The following SLC24A3 variants were observed in gnomAD, a reference collection of about 807,000 sequenced individuals.
SLC24A3 encodes sodium/potassium/calcium exchanger 3.
Under a neutral mutation model 75.8 loss-of-function variants are expected in SLC24A3, and 28 were observed. The observed-to-expected ratio is 0.37, with a 90% CI of 0.27 to 0.51. The LOEUF is 0.51. SLC24A3 is among the 20% of genes least tolerant of loss of function. SLC24A3 has a pLI of 0.94. For missense variants in SLC24A3, 663 were observed against 847.8 expected (o/e 0.78, Z 2.71); for synonymous variants, 372 against 334.1 (o/e 1.11, Z -1.24).
chr20:19,709,924 T>C (rs1344798046), intron 15 of SLC24A3, among the ~76,000 whole-genome samples: 1 of 152,180 alleles, frequency 6.6e-6, no homozygotes, highest in Non-Finnish European at 1.5e-5. Flanking sequence ...ACTAAATGAC[T>C]AAAGGACTTA....
intron 2 of SLC24A3, among the ~76,000 whole-genome samples, chr20:19,431,944 G>T (rs189762141): frequency 2.0e-5 from 3 of 151,836 alleles, no homozygotes; most frequent in East Asian, 1.9e-4. Context: ...ATTGCAAAGG[G>T]TTATAGAATT....
chr20:19,560,692 C>T (rs899789481), intron 3 of SLC24A3, among the ~76,000 whole-genome samples: 22 of 152,156 alleles, frequency 1.4e-4, no homozygotes, highest in African/African-American at 2.7e-4. Context: ...TAGGGACCTT[C>T]GGTGTCCATT....
chr20:19,212,875 T>C lies in SLC24A3; in HGVS notation c.33T>C (p.Arg11=). 8.0e-7 allele frequency: 1 copy of C among 1,254,578 alleles called. No individual in the cohort carries two copies. The highest frequency in any genetic ancestry group is 1.0e-6 in the Non-Finnish European group (1 of 996,156). 77.7% of individuals were successfully genotyped at this position (1,254,578 alleles called of 1,614,324 possible). Residue 11 remains arginine, a synonymous_variant, in exon 1 of 17, where the codon CGT becomes CGC. Coordinates refer to ENST00000328041, the MANE Select transcript of SLC24A3 (RefSeq NM_020689.4). ...CGTCCGGCGACGAGGACCGCGCGCG[T>C]CGCCGCCGCCGCCGCCGCCGCCGGA... MRPSGDEDRA[R]RRRRRRRRRD...
intron 2 of SLC24A3, among the ~76,000 whole-genome samples, chr20:19,450,977 G>C (rs1001416372): frequency 1.3e-5 from 2 of 152,110 alleles, no homozygotes; most frequent in Admixed American, 1.3e-4. Context: ...TCCAGCCTGG[G>C]TGACAGAGCG....
rs145320655 is a variant in SLC24A3, at chr20:19,371,786, A to C, written c.271+90699A>C. On this transcript the variant is annotated intron_variant, in intron 2 of 16. Transcript: ENST00000328041. The stretch of plus-strand genomic sequence containing the variant: ...AGTCCTTAGACTCCCTGTATTCTGC[A>C]GCGTACAGGTCTATTCAAACCTACC... Among the ~76,000 whole-genome samples the C allele has an allele frequency of 2.5e-3, 377 of 152,290 alleles. 1 individual carries two copies. The highest frequency in any genetic ancestry group is 4.1e-3 in the Non-Finnish European group (280 of 68,028).
At chr20:19,266,612 T>G (rs1415768133) in intron 1 of SLC24A3, among the ~76,000 whole-genome samples, 1 of 152,242 alleles carries the variant, frequency 6.6e-6, no homozygotes. Flanking sequence ...GCAGTGATTT[T>G]GAGAAGCCAA....
At chr20:19,288,660 A>T (rs1410726232) in intron 2 of SLC24A3, among the ~76,000 whole-genome samples, 4 of 152,214 alleles carry the variant, frequency 2.6e-5, no homozygotes, top group Non-Finnish European at 1.5e-5. Flanking sequence ...CCCAGTTGAT[A>T]GATTAGTTAG....
intron 3 of SLC24A3, among the ~76,000 whole-genome samples, chr20:19,565,371 G>A (rs1210362034): frequency 6.6e-6 from 1 of 151,354 alleles, no homozygotes; most frequent in African/African-American, 2.4e-5. Context: ...AGGAGGCACT[G>A]AGAGTGAGAA....
chr20:19,569,787 G>A (rs1453711141), intron 3 of SLC24A3, among the ~76,000 whole-genome samples: 1 of 152,154 alleles, frequency 6.6e-6, no homozygotes, highest in Non-Finnish European at 1.5e-5. Context: ...GCAACTCCGT[G>A]TCCTCTTGCA....
At chr20:19,334,137 G>A (rs550203708) in intron 2 of SLC24A3, among the ~76,000 whole-genome samples, 9 of 152,180 alleles carry the variant, frequency 5.9e-5, no homozygotes, top group Non-Finnish European at 1.3e-4. Context: ...GTAAATGGGT[G>A]GTCGTTGTCT....
chr20:19,574,220 T>C (rs2031096427), intron 3 of SLC24A3, among the ~76,000 whole-genome samples: 1 of 152,206 alleles, frequency 6.6e-6, no homozygotes, highest in Non-Finnish European at 1.5e-5. Context: ...TTCAGCTGAG[T>C]GGAGCTATCC....
chr20:19,282,462 G>C (rs1438112676), intron 2 of SLC24A3, among the ~76,000 whole-genome samples: 1 of 152,198 alleles, frequency 6.6e-6, no homozygotes, highest in African/African-American at 2.4e-5. Context: ...AATGAAAATG[G>C]GTATGAAGGG....
intron 14 of SLC24A3, 100 bp from the exon 15 acceptor site, chr20:19,698,468 G>A (rs1001222323): frequency 2.7e-6 from 2 of 742,222 alleles, no homozygotes. Flanking sequence ...ATGTGAGCTT[G>A]CAGAACCACT....
intron 15 of SLC24A3, among the ~76,000 whole-genome samples, chr20:19,714,484 C>T (rs937318098): frequency 6.6e-6 from 1 of 151,146 alleles, no homozygotes; most frequent in Non-Finnish European, 1.5e-5. Context: ...GCTGCAGCAG[C>T]TGGGAGATGT....
rs963323322 is a variant in SLC24A3, at chr20:19,477,918, A to G, written c.272-37570A>G. Among the ~76,000 whole-genome samples the G allele has an allele frequency of 2.0e-5, 3 of 152,230 alleles. No individual in the cohort carries two copies. The East Asian group carries it at 5.8e-4, about 29-fold the overall frequency. On this transcript the variant is annotated intron_variant, in intron 2 of 16. Coordinates refer to ENST00000328041, the MANE Select transcript of SLC24A3 (RefSeq NM_020689.4). ...GAAGTGAATGAAAGAATGGGTTCTC[A>G]TCTTCACAAAGGACAGTCTATACTG...
intron 6 of SLC24A3, among the ~76,000 whole-genome samples, chr20:19,588,713 G>A (rs948901294): frequency 1.3e-5 from 2 of 152,200 alleles, no homozygotes; most frequent in Admixed American, 6.5e-5. Flanking sequence ...AGCTCTTGAT[G>A]CAACATACTA....
intron 3 of SLC24A3, among the ~76,000 whole-genome samples, chr20:19,549,110 C>T (rs1287553027): frequency 1.3e-5 from 2 of 152,162 alleles, no homozygotes; most frequent in Non-Finnish European, 2.9e-5. Context: ...ATGGACCAAG[C>T]CTGAGAGTGG....
intron 1 of SLC24A3, among the ~76,000 whole-genome samples, chr20:19,224,848 A>G (rs1220396364): frequency 2.0e-5 from 3 of 152,226 alleles, no homozygotes; most frequent in Non-Finnish European, 4.4e-5. Flanking sequence ...GGTTATAAAA[A>G]TATTTAATGC....
At chr20:19,484,202 G>T (rs367669228) in intron 2 of SLC24A3, among the ~76,000 whole-genome samples, 1 of 152,112 alleles carries the variant, frequency 6.6e-6, no homozygotes, top group Non-Finnish European at 1.5e-5. Context: ...GAATATTTGC[G>T]TATGCATAAT....
Sources: gnomAD v4.1 joint callset for allele counts (sites outside exome capture counted in the v4.1 genomes callset) on GRCh38, gnomAD v4.1.1 for gene constraint, MANE v1.5 for transcripts, NCBI Gene and HGNC (gene_info 2026-07-23, HGNC 2026-07-21) for gene names.